SMARCA5: variants seen among roughly 807,000 people sequenced by gnomAD.
SMARCA5 encodes SNF2 related chromatin remodeling ATPase 5.
A neutral mutation model predicts 140.4 loss-of-function variants in SMARCA5; 18 were observed. The observed-to-expected ratio is 0.13, with a 90% CI of 0.09 to 0.19. The LOEUF (loss-of-function observed/expected upper bound fraction) is 0.19. SMARCA5 is among the 10% of genes least tolerant of loss of function. SMARCA5 has a pLI of 1.00. For missense variants in SMARCA5, 606 were observed against 1,276.8 expected, an observed-to-expected ratio of 0.47 and a Z score of 8.01; for synonymous variants, 449 against 419.6, an observed-to-expected ratio of 1.07 and a Z score of -0.86.
Position 143,555,111 on chromosome 4 carries a change from T to A in SMARCA5, c.*1927T>A. 1 of 670,804 alleles carries A rather than the reference T, an allele frequency of 1.5e-6. No individual in the cohort carries two copies. The allele number at this position is 670,804 out of a possible 1,614,324, so 41.6% of individuals were successfully genotyped here. ...AATCTTCTGTCAGTGCCACAGCTACTACTGCTACTGGAACTGCCTTAACCA... is the reference window on the plus strand; with the variant it reads ...AATCTTCTGTCAGTGCCACAGCTACAACTGCTACTGGAACTGCCTTAACCA... On this transcript the variant is annotated 3_prime_UTR_variant, in exon 24 of 24. Coordinates refer to ENST00000283131, the MANE Select transcript of SMARCA5 (RefSeq NM_003601.4).
intron 22 of SMARCA5, among the ~76,000 whole-genome samples, chr4:143,549,400 T>C (rs1464011193): frequency 6.6e-6 from 1 of 152,146 alleles, no homozygotes; most frequent in African/African-American, 2.4e-5. Flanking sequence ...GATGGACTTC[T>C]GTTTCTTTCA....
At chr4:143,533,902 T>C (rs1404634640) in intron 9 of SMARCA5, among the ~76,000 whole-genome samples, 1 of 152,190 alleles carries the variant, frequency 6.6e-6, no homozygotes, top group Non-Finnish European at 1.5e-5. Flanking sequence ...GTATAACAAG[T>C]ATATACTCAA....
Position 143,517,357 on chromosome 4 carries a change from A to T in SMARCA5, c.180A>T (p.Glu60Asp), listed in dbSNP as rs373857554. ...SAGPADAEME[E>D]IFDDASPGKQ... Reference sequence around the variant, plus strand: ...ATTTAATTATTTCTTTCTACCAGGAAATATTTGATGATGCGTCACCTGGAA... The same window carrying T: ...ATTTAATTATTTCTTTCTACCAGGATATATTTGATGATGCGTCACCTGGAA... The change falls in exon 2 of 24, where the codon GAA becomes GAT. Residue 60 changes from glutamate (E) to aspartate (D), a missense_variant and splice_region_variant. Physicochemically the swap from Glu to Asp is conservative, Grantham distance 45 (BLOSUM62 2). Around this residue, in one of 10 missense-constraint regions of SMARCA5, gnomAD observed 164 missense variants for 128.4 expected, o/e 1.28. Transcript: ENST00000283131. 2 of 1,603,958 alleles carry T rather than the reference A, an allele frequency of 1.2e-6. No homozygotes were observed. The highest frequency in any genetic ancestry group is 2.2e-5 in the South Asian group (2 of 89,396).
chr4:143,518,430 C>T (rs1467340192), intron 2 of SMARCA5, among the ~76,000 whole-genome samples: 3 of 152,088 alleles, frequency 2.0e-5, no homozygotes, highest in African/African-American at 7.2e-5. Flanking sequence ...ATAAGAATAC[C>T]ACTACACAGT....
chr4:143,544,924 A>T, intron 17 of SMARCA5, 77 bp downstream of exon 17: 1 of 677,524 alleles, frequency 1.5e-6, no homozygotes, highest in Non-Finnish European at 2.5e-6. Context: ...TTGCAAAAAG[A>T]TTGATAATTA....
chr4:143,538,747 C>T, intron 12 of SMARCA5, 36 bp downstream of exon 12: 4 of 1,613,200 alleles, frequency 2.5e-6, no homozygotes, highest in South Asian at 1.1e-5. Context: ...AAAAAAGAAT[C>T]AGATAAATTT....
At chr4:143,518,673 C>G (rs1578790195) in intron 2 of SMARCA5, among the ~76,000 whole-genome samples, 1 of 152,044 alleles carries the variant, frequency 6.6e-6, no homozygotes, top group Non-Finnish European at 1.5e-5. Flanking sequence ...ACATATAACA[C>G]TATGTAAATT....
At chr4:143,540,242 T>C (rs909962691) in intron 13 of SMARCA5, 121 bp from the exon 14 acceptor site, 22 of 681,716 alleles carry the variant, frequency 3.2e-5, no homozygotes, top group Middle Eastern at 3.8e-4. Flanking sequence ...TGCAGTGTTA[T>C]TACAAATTTT....
intron 14 of SMARCA5, among the ~76,000 whole-genome samples, 187 bp from the exon 15 acceptor site, chr4:143,543,322 A>G (rs1560820653): frequency 6.6e-6 from 1 of 152,240 alleles, no homozygotes; most frequent in Admixed American, 6.5e-5. Context: ...TTTGTAGCTT[A>G]CCAACTGAAA....
chr4:143,515,357 A>T (rs1367966849), intron 1 of SMARCA5, among the ~76,000 whole-genome samples: 4 of 152,164 alleles, frequency 2.6e-5, no homozygotes, highest in African/African-American at 9.7e-5. Context: ...AGATAAGATT[A>T]CTTCCAAATT....
rs540976977 is a variant in SMARCA5 at position 143,553,978 on chromosome 4, T to G, written c.*794T>G. On this transcript the variant is annotated 3_prime_UTR_variant, in exon 24 of 24. Transcript: ENST00000283131. ...GATAATGTCAGAACTAAGGTGATTT[T>G]TTTTTTTTAATTTTGAAAGCCCAGC... 2 of 151,784 alleles carry G rather than the reference T, an allele frequency of 1.3e-5. No individual in the cohort carries two copies. The highest frequency in any genetic ancestry group is 3.9e-4 in the East Asian group (2 of 5,192). The allele number at this position is 151,784 out of a possible 1,614,324, so 9.4% of individuals were successfully genotyped here. A position where few individuals can be genotyped will look rare whatever the true frequency, so the allele number is the denominator to read the frequency against.
chr4:143,523,356 C>T (rs934252459), intron 3 of SMARCA5, among the ~76,000 whole-genome samples: 5 of 151,740 alleles, frequency 3.3e-5, no homozygotes, highest in East Asian at 3.9e-4. Context: ...AAGTCATTCA[C>T]GATTATATTC....
Position 143,521,369 on chromosome 4 carries a change from T to C in SMARCA5, c.253-60T>C, listed in dbSNP as rs765684854. On this transcript the variant is annotated intron_variant, in intron 2 of 23. Coordinates refer to ENST00000283131, the MANE Select transcript of SMARCA5 (RefSeq NM_003601.4). ...ATTGTATGGAGGCATGCTGAAACTT[T>C]GATTTCTGAAGTTTTAATTGATACT... 3.3e-4 allele frequency: 430 copies of C among 1,294,506 alleles called. 1 individual carries two copies. The highest frequency in any genetic ancestry group is 4.6e-4 in the Non-Finnish European group (420 of 918,262). The allele number at this position is 1,294,506 out of a possible 1,614,324, so 80.2% of individuals were successfully genotyped here. A position where few individuals can be genotyped will look rare whatever the true frequency, so the allele number is the denominator to read the frequency against.
intron 3 of SMARCA5, 143 bp from the exon 4 acceptor site, chr4:143,524,224 T>C: frequency 1.9e-6 from 1 of 519,184 alleles, no homozygotes; most frequent in Non-Finnish European, 3.5e-6. Flanking sequence ...AATGTACTCA[T>C]ATTTTCTACT....
At chr4:143,533,638 GCTGGGA>G (rs2149821078) in intron 9 of SMARCA5, among the ~76,000 whole-genome samples, 1 of 151,498 alleles carries the variant, frequency 6.6e-6, no homozygotes, top group East Asian at 2.0e-4. Context: ...CTCCCAAGTA[GCTGGGA>G]CTACAGGTAC....
At chr4:143,532,020 C>T (rs1376067840) in intron 9 of SMARCA5, among the ~76,000 whole-genome samples, 2 of 152,146 alleles carry the variant, frequency 1.3e-5, no homozygotes, top group African/African-American at 4.8e-5. Flanking sequence ...GGATTGTAAG[C>T]ACAAAGGCAG....
At chr4:143,523,266 A>G (rs1280150287) in intron 3 of SMARCA5, among the ~76,000 whole-genome samples, 1 of 151,878 alleles carries the variant, frequency 6.6e-6, no homozygotes, top group African/African-American at 2.4e-5. Context: ...ACCTCAAGTG[A>G]TCCACCCACC....
At chr4:143,552,964 A>G (rs1269519012) in intron 23 of SMARCA5, among the ~76,000 whole-genome samples, 155 bp from the exon 24 acceptor site, 1 of 151,982 alleles carries the variant, frequency 6.6e-6, no homozygotes, top group Non-Finnish European at 1.5e-5. Flanking sequence ...TGGAGGCTTT[A>G]TAGTTTGCTT....
chr4:143,534,317 C>A (rs1021439861), intron 9 of SMARCA5, among the ~76,000 whole-genome samples: 4 of 152,018 alleles, frequency 2.6e-5, no homozygotes, highest in African/African-American at 9.7e-5. Context: ...TGTATTACTA[C>A]CCTTCAGGAA....
Sources: allele counts gnomAD v4.1 joint callset (sites outside exome capture counted in the v4.1 genomes callset), GRCh38; gene constraint gnomAD v4.1.1; regional missense constraint gnomAD v4.1.1; transcripts MANE v1.5; gene names NCBI Gene and HGNC (gene_info 2026-07-23, HGNC 2026-07-21).